Variants in CDH12 observed in about 807,000 individuals in gnomAD.
CDH12 encodes cadherin 12, also known as cadherin-12.
CDH12 carries 41 observed loss-of-function variants against 74.1 expected under a neutral mutation model. The observed-to-expected ratio is 0.55, with a 90% CI of 0.43 to 0.72. The LOEUF (loss-of-function observed/expected upper bound fraction) is 0.72, where lower values mean the gene tolerates loss of function less well. Ranked by LOEUF, CDH12 falls within the 30% of genes least tolerant of loss-of-function variation. CDH12 has a pLI of 0.00. For missense variants in CDH12, 945 were observed against 977.2 expected, an observed-to-expected ratio of 0.97 and a Z score of 0.44; for synonymous variants, 399 against 355.0, an observed-to-expected ratio of 1.12 and a Z score of -1.39.
intron 2 of CDH12, among the ~76,000 whole-genome samples, chr5:22,500,850 G>A (rs983457126): frequency 6.6e-6 from 1 of 152,054 alleles, no homozygotes; most frequent in African/African-American, 2.4e-5. Flanking sequence ...ACAGACATCT[G>A]CAAACTAAAT....
chr5:22,607,545 G>T (rs1475665373), intron 1 of CDH12, among the ~76,000 whole-genome samples: 1 of 152,196 alleles, frequency 6.6e-6, no homozygotes, highest in African/African-American at 2.4e-5. Context: ...CACGAGACTA[G>T]CATGGAAACG....
chr5:22,507,685 A>G (rs1251382607), intron 1 of CDH12, among the ~76,000 whole-genome samples: 1 of 152,238 alleles, frequency 6.6e-6, no homozygotes, highest in Non-Finnish European at 1.5e-5. Flanking sequence ...TATTTTGGTT[A>G]GAATGTAATA....
At chr5:22,385,010 C>T (rs747708921) in intron 3 of CDH12, among the ~76,000 whole-genome samples, 15 of 152,042 alleles carry the variant, frequency 9.9e-5, no homozygotes, top group East Asian at 1.9e-4. Flanking sequence ...ATTTTAATCA[C>T]AAATGACTTA....
chr5:21,923,477 G>A (rs1561302043), intron 6 of CDH12, among the ~76,000 whole-genome samples: 3 of 152,122 alleles, frequency 2.0e-5, no homozygotes, highest in East Asian at 1.9e-4. Context: ...TTTTCTCTAT[G>A]TTTTCCTAGT....
intron 5 of CDH12, among the ~76,000 whole-genome samples, chr5:22,066,305 T>C (rs1405610842): frequency 1.3e-5 from 2 of 152,152 alleles, no homozygotes; most frequent in Non-Finnish European, 2.9e-5. Context: ...CTTTTATTCC[T>C]TACCCCCTTC....
chr5:22,430,674 A>G (rs1012703160), intron 2 of CDH12, among the ~76,000 whole-genome samples: 2 of 152,100 alleles, frequency 1.3e-5, no homozygotes, highest in African/African-American at 4.8e-5. Flanking sequence ...AATTGTTACT[A>G]GGCAATTGGG....
At chr5:22,398,439 G>T (rs770593076) in intron 3 of CDH12, among the ~76,000 whole-genome samples, 4 of 152,146 alleles carry the variant, frequency 2.6e-5, no homozygotes, top group Non-Finnish European at 5.9e-5. Flanking sequence ...AGAGTTGGGT[G>T]TGAATGACAC....
chr5:22,214,987 T>C (rs1403273323), intron 3 of CDH12, among the ~76,000 whole-genome samples: 2 of 152,182 alleles, frequency 1.3e-5, no homozygotes, highest in Non-Finnish European at 2.9e-5. Flanking sequence ...GACCATTTTG[T>C]TGGAGGTGTG....
chr5:22,772,401 C>T (rs1335424067), intron 1 of CDH12, among the ~76,000 whole-genome samples: 1 of 151,980 alleles, frequency 6.6e-6, no homozygotes, highest in Admixed American at 6.6e-5. Flanking sequence ...CCCAGAATCA[C>T]ACCTAACCTC....
intron 2 of CDH12, among the ~76,000 whole-genome samples, chr5:22,483,708 C>A (rs1746469724): frequency 1.0e-5 from 1 of 95,308 alleles, no homozygotes; most frequent in Non-Finnish European, 2.1e-5. Context: ...CAGGATAAGA[C>A]CAGGTTGGGC....
chr5:22,496,824 ATTTTTCTTC>A (rs1561448476), intron 2 of CDH12, among the ~76,000 whole-genome samples: 2 of 151,664 alleles, frequency 1.3e-5, no homozygotes, highest in African/African-American at 2.4e-5. Context: ...TGCTCTTTTT[ATTTTTCTTC>A]ATTCCTCTGA....
At chr5:22,045,123 T>C (rs573752735) in intron 5 of CDH12, among the ~76,000 whole-genome samples, 5 of 152,234 alleles carry the variant, frequency 3.3e-5, no homozygotes, top group African/African-American at 9.6e-5. Context: ...AATTACAAAA[T>C]TGGTAAATGG....
At chr5:21,880,596 C>CTTCCCTTCTTTCT (rs1752236125) in intron 6 of CDH12, among the ~76,000 whole-genome samples, 1 of 51,346 alleles carries the variant, frequency 1.9e-5, no homozygotes, top group Admixed American at 2.7e-4. Flanking sequence ...TCCTTCCTTC[C>CTTCCCTTCTTTCT]TTCCTTCCTT....
rs569440463 is a variant in CDH12, at chr5:22,173,022, T to C, written c.-187+39476A>G. Among the ~76,000 whole-genome samples, 3 of 151,610 alleles carry C rather than the reference T, an allele frequency of 2.0e-5. No individual in the cohort carries two copies. In the South Asian group the frequency reaches 6.2e-4, roughly 31 times the overall value. The stretch of plus-strand genomic sequence containing the variant: ...TCTGGTTTGTATTTTCTTCTAGATG[T>C]CAAATTGACATGTGAGGATTAACAT... On this transcript the variant is annotated intron_variant, in intron 4 of 14. Coordinates refer to ENST00000382254, the MANE Select transcript of CDH12 (RefSeq NM_004061.5).
chr5:22,821,003 G>A (rs1199682715), intron 1 of CDH12, among the ~76,000 whole-genome samples: 3 of 152,032 alleles, frequency 2.0e-5, no homozygotes, highest in African/African-American at 4.8e-5. Flanking sequence ...CTGGCAAACC[G>A]AATCCAGCAG....
At chr5:21,852,438 T>C (rs1750521058) in intron 7 of CDH12, among the ~76,000 whole-genome samples, 1 of 151,548 alleles carries the variant, frequency 6.6e-6, no homozygotes, top group South Asian at 2.1e-4. Flanking sequence ...CTAGAATAGG[T>C]TGAAAGTTGA....
At chr5:22,384,517 C>T (rs1314590987) in intron 3 of CDH12, among the ~76,000 whole-genome samples, 1 of 107,726 alleles carries the variant, frequency 9.3e-6, no homozygotes, top group Non-Finnish European at 2.0e-5. Context: ...CAGAGCGAAA[C>T]TCCGTCTCAA....
At chr5:22,603,163 G>A (rs1008800022) in intron 1 of CDH12, among the ~76,000 whole-genome samples, 3 of 151,822 alleles carry the variant, frequency 2.0e-5, no homozygotes, top group Non-Finnish European at 2.9e-5. Flanking sequence ...CAGAAACAGG[G>A]CACAAGAAAT....
intron 1 of CDH12, among the ~76,000 whole-genome samples, chr5:22,507,214 G>C (rs1736425375): frequency 6.6e-6 from 1 of 152,030 alleles, no homozygotes; most frequent in Non-Finnish European, 1.5e-5. Flanking sequence ...AGGACTTGAG[G>C]AGATATATAC....
Sources: allele counts gnomAD v4.1 joint callset (sites outside exome capture counted in the v4.1 genomes callset), GRCh38; gene constraint gnomAD v4.1.1; transcripts MANE v1.5; gene names NCBI Gene and HGNC (gene_info 2026-07-23, HGNC 2026-07-21).